POC1B: variants seen among roughly 807,000 people sequenced by gnomAD.
POC1B encodes the protein POC1 centriolar protein homolog B.
A neutral mutation model predicts 60.6 loss-of-function variants in POC1B; 44 were observed. The observed-to-expected ratio is 0.73, with a 90% CI of 0.57 to 0.93. The LOEUF is 0.93. Among genes scored for constraint, POC1B ranks in the 40% least tolerant of loss-of-function variants. The probability of loss-of-function intolerance (pLI) is 0.00; values close to 1 mark genes in which losing one functional copy is unlikely to be tolerated. For synonymous variants in POC1B, 180 were observed against 198.9 expected (o/e 0.90, Z 0.80); for missense variants, 555 against 572.3 (o/e 0.97, Z 0.31).
chr12:89,508,104 C>A (rs1266373670), intron 2 of POC1B, among the ~76,000 whole-genome samples: 3 of 152,220 alleles, frequency 2.0e-5, no homozygotes, highest in African/African-American at 4.8e-5. Context: ...TCTGGGGAAT[C>A]CTTTGTGCTT....
Position 89,525,988 on chromosome 12 carries a change from C to G in POC1B, c.-93G>C, listed in dbSNP as rs1871463447. 6.5e-7 allele frequency: 1 copy of G among 1,543,386 alleles called. No individual in the cohort carries two copies. The highest frequency in any genetic ancestry group is 2.5e-5 in the East Asian group (1 of 40,690). ...GAAGGAGAGGGGACCGTGCGGCTCC[C>G]GGAACCGTCTGCCCAGAGCGGCAGC... On this transcript the variant is annotated 5_prime_UTR_variant, in exon 1 of 12. Coordinates refer to ENST00000313546, the MANE Select transcript of POC1B (RefSeq NM_172240.3).
intron 4 of POC1B, among the ~76,000 whole-genome samples, chr12:89,476,451 G>A (rs1305723647): frequency 1.3e-5 from 2 of 152,200 alleles, no homozygotes; most frequent in Non-Finnish European, 2.9e-5. Flanking sequence ...GCTCATGCCT[G>A]TAATCCCAGC....
chr12:89,461,268 G>A (rs1882472663), intron 9 of POC1B: 1 of 152,174 alleles, frequency 6.6e-6, no homozygotes, highest in Non-Finnish European at 1.5e-5. Context: ...GACTTCCTAT[G>A]GAGGAAACAC....
At chr12:89,525,370 C>T in intron 1 of POC1B, 166 bp from the exon 2 acceptor site, 1 of 1,423,528 alleles carries the variant, frequency 7.0e-7, no homozygotes, top group Non-Finnish European at 9.1e-7. Context: ...GGCGCGGCGC[C>T]CAGTCCTGCT....
At chr12:89,496,200 T>G (rs1193765744) in intron 3 of POC1B, among the ~76,000 whole-genome samples, 1 of 151,710 alleles carries the variant, frequency 6.6e-6, no homozygotes, top group African/African-American at 2.4e-5. Flanking sequence ...TCATATGGAG[T>G]GTGCAACCTA....
At chr12:89,515,989 T>C (rs931025489) in intron 2 of POC1B, among the ~76,000 whole-genome samples, 2 of 152,194 alleles carry the variant, frequency 1.3e-5, no homozygotes, top group Non-Finnish European at 2.9e-5. Flanking sequence ...AGATTATAAC[T>C]ATACCAGTGA....
In POC1B at chr12:89,497,362, CA is replaced by C. The variant is rs2135743377; in HGVS notation, c.101-21del. The stretch of plus-strand genomic sequence containing the variant: ...CAGTAGCTATCAAGAAATAGAAGAA[CA>C]AAACCACTGTTTGTTAAAATGCAAA... On this transcript the variant is annotated intron_variant, in intron 2 of 11. Coordinates refer to ENST00000313546, the MANE Select transcript of POC1B (RefSeq NM_172240.3). 2 of 1,601,882 alleles carry C rather than the reference CA, an allele frequency of 1.2e-6. No individual in the cohort carries two copies. Among genetic ancestry groups the C allele is most frequent in the Non-Finnish European group, 1.7e-6 (2 of 1,172,050 alleles).
chr12:89,411,252 C>T, the POC1B span, among the ~76,000 whole-genome samples: 1 of 152,118 alleles, frequency 6.6e-6, no homozygotes, highest in African/African-American at 2.4e-5. Context: ...GCTTTCTTCA[C>T]AGAATTAGAA....
At chr12:89,456,994 T>C (rs1882288491) in intron 10 of POC1B, among the ~76,000 whole-genome samples, 1 of 152,194 alleles carries the variant, frequency 6.6e-6, no homozygotes, top group Non-Finnish European at 1.5e-5. Flanking sequence ...CCTACCTTGA[T>C]GAAATGAATT....
At chr12:89,505,030 TAAAC>T (rs922917124) in intron 2 of POC1B, among the ~76,000 whole-genome samples, 2 of 152,164 alleles carry the variant, frequency 1.3e-5, no homozygotes, top group Admixed American at 1.3e-4. Context: ...GCAAAGGACT[TAAAC>T]AGGCACTTTG....
chr12:89,500,561 G>C (rs929207574), intron 2 of POC1B: 1 of 1,605,906 alleles, frequency 6.2e-7, no homozygotes, highest in Non-Finnish European at 8.5e-7. Context: ...CTTATCTGTT[G>C]GCTCACCTTC....
chr12:89,455,355 G>T (rs59364338), intron 10 of POC1B, among the ~76,000 whole-genome samples: 1 of 151,944 alleles, frequency 6.6e-6, no homozygotes, highest in African/African-American at 2.4e-5. Flanking sequence ...AAAGAAAAAA[G>T]AAAAAAAGAA....
chr12:89,434,821 G>A (rs2120693680), intron 10 of POC1B, among the ~76,000 whole-genome samples: 1 of 152,234 alleles, frequency 6.6e-6, no homozygotes, highest in South Asian at 2.1e-4. Flanking sequence ...ATAAGGCAAA[G>A]ATCTATAGTT....
At chr12:89,485,554 A>T (rs10128833) in intron 4 of POC1B, among the ~76,000 whole-genome samples, 114,339 of 151,494 alleles carry the variant, frequency 0.75, 43,234 homozygotes, top group Middle Eastern at 0.82. Context: ...CTGATTTTTT[A>T]AAAAAAATCC....
At chr12:89,465,001 A>C (rs867967662) in intron 9 of POC1B, among the ~76,000 whole-genome samples, 7 of 151,488 alleles carry the variant, frequency 4.6e-5, no homozygotes, top group African/African-American at 9.7e-5. Context: ...TAAGGTCACA[A>C]AAAAAAAATT....
intron 2 of POC1B, among the ~76,000 whole-genome samples, chr12:89,512,567 T>A (rs1225525125): frequency 1.3e-5 from 2 of 152,136 alleles, no homozygotes; most frequent in African/African-American, 4.8e-5. Flanking sequence ...AAGACCAGCC[T>A]CAGCAATATA....
chr12:89,465,464 G>A, intron 9 of POC1B, among the ~76,000 whole-genome samples: 1 of 151,664 alleles, frequency 6.6e-6, no homozygotes, highest in Non-Finnish European at 1.5e-5. Context: ...CAAGATGACA[G>A]AATAAAAATA....
At chr12:89,507,007 AATACATATTATAT>A (rs1869932101) in intron 2 of POC1B, among the ~76,000 whole-genome samples, 1 of 152,126 alleles carries the variant, frequency 6.6e-6, no homozygotes, top group Admixed American at 6.5e-5. Context: ...GGAGGGAGTT[AATACATATTATAT>A]AACATATTAC....
At chr12:89,428,780 T>C (rs1160154176) in intron 10 of POC1B, 2 of 152,124 alleles carry the variant, frequency 1.3e-5, no homozygotes, top group Non-Finnish European at 2.9e-5. Flanking sequence ...ATGGTCTCGA[T>C]CTCCTGACCT....
Sources: gnomAD v4.1 joint callset for allele counts (sites outside exome capture counted in the v4.1 genomes callset) on GRCh38, gnomAD v4.1.1 for gene constraint, MANE v1.5 for transcripts, NCBI Gene and HGNC (gene_info 2026-07-23, HGNC 2026-07-21) for gene names.